ARHGAP25: variants seen among roughly 807,000 people sequenced by gnomAD.
ARHGAP25 encodes rho GTPase-activating protein 25.
ARHGAP25 carries 34 observed loss-of-function variants against 71.0 expected under a neutral mutation model. That is an observed-to-expected ratio of 0.48 (90% CI 0.36 to 0.64). The LOEUF (loss-of-function observed/expected upper bound fraction) is 0.64, where lower values mean the gene tolerates loss of function less well. Among genes scored for constraint, ARHGAP25 ranks in the 30% least tolerant of loss-of-function variants. The pLI, the probability that ARHGAP25 is intolerant of heterozygous loss-of-function variation, is 0.00. For missense variants in ARHGAP25, 706 were observed against 805.1 expected, an observed-to-expected ratio of 0.88 and a Z score of 1.49; for synonymous variants, 282 against 296.5, an observed-to-expected ratio of 0.95 and a Z score of 0.50.
At position 68,717,115 on chromosome 2, in the gene ARHGAP25, A is replaced by G. The variant is rs575248273; in HGVS notation, c.-18+6417A>G. Among the ~76,000 whole-genome samples the G allele has an allele frequency of 2.6e-5, 4 of 152,302 alleles. No homozygotes were observed. The East Asian group carries it at 7.7e-4, about 29-fold the overall frequency. On this transcript the variant is annotated intron_variant and NMD_transcript_variant, in intron 2 of 7. Coordinates refer to the ARHGAP25 transcript ENST00000463483. ...ACACCTAGGCCATATGGTACGGGCT[A>G]TTGCTCCTAGACTACAAATCTGTAT...
At chr2:68,740,594 G>A (rs1439966690) in intron 1 of ARHGAP25, among the ~76,000 whole-genome samples, 5 of 152,108 alleles carry the variant, frequency 3.3e-5, no homozygotes, top group Non-Finnish European at 1.5e-5. Flanking sequence ...TCTTGTCCAC[G>A]GGGAGTCTCT....
chr2:68,718,681 T>G (rs376184457), intron 2 of ARHGAP25, among the ~76,000 whole-genome samples: 1 of 152,140 alleles, frequency 6.6e-6, no homozygotes, highest in East Asian at 1.9e-4. Context: ...CTTTTCTAAT[T>G]CCCTAAGTGG....
intron 1 of ARHGAP25, among the ~76,000 whole-genome samples, chr2:68,772,464 G>A (rs1677548875): frequency 6.6e-6 from 1 of 152,226 alleles, no homozygotes; most frequent in African/African-American, 2.4e-5. Context: ...AGCCACACCG[G>A]GATAGACTTC....
At chr2:68,810,602 CT>C (rs1254075967) in intron 5 of ARHGAP25, among the ~76,000 whole-genome samples, 2 of 152,066 alleles carry the variant, frequency 1.3e-5, no homozygotes, top group African/African-American at 4.8e-5. Context: ...TTTATAATCC[CT>C]TTCTCTTTTC....
chr2:68,741,839 T>C (rs72893974), intron 1 of ARHGAP25, among the ~76,000 whole-genome samples: 4,031 of 152,334 alleles, frequency 0.026, 186 homozygotes, highest in African/African-American at 0.092. Flanking sequence ...CTCATATTCT[T>C]TACCTAGAGT....
intron 3 of ARHGAP25, among the ~76,000 whole-genome samples, chr2:68,782,977 T>C (rs1678454763): frequency 6.6e-6 from 1 of 152,260 alleles, no homozygotes; most frequent in Non-Finnish European, 1.5e-5. Flanking sequence ...GACTAGAGGC[T>C]AATCTGGCTG....
At chr2:68,743,365 T>C (rs1331361594) in intron 1 of ARHGAP25, among the ~76,000 whole-genome samples, 1 of 138,560 alleles carries the variant, frequency 7.2e-6, no homozygotes, top group Non-Finnish European at 1.6e-5. Context: ...GTTTTTCCTA[T>C]TAGCTCTAAG....
chr2:68,723,882 T>C (rs1558598921), intron 2 of ARHGAP25, among the ~76,000 whole-genome samples: 2 of 151,546 alleles, frequency 1.3e-5, no homozygotes, highest in Non-Finnish European at 2.9e-5. Context: ...CTCTCTCTCT[T>C]TCTCTCTCGG....
At position 68,746,716 on chromosome 2, in the gene ARHGAP25, T is replaced by A. The variant is rs577958434; in HGVS notation, c.61+11456T>A. Among the ~76,000 whole-genome samples the A allele has an allele frequency of 5.8e-3, 795 of 136,308 alleles. 11 individuals carry two copies. Among genetic ancestry groups the A allele is most frequent in the African/African-American group, 0.02 (739 of 37,412 alleles). The allele number at this position is 136,308 out of a possible 152,430, so 89.4% of individuals were successfully genotyped here. A position where few individuals can be genotyped will look rare whatever the true frequency, so the allele number is the denominator to read the frequency against. ...AAGACAGGGACCACCCCCCTCCCCA[T>A]CCCCACAGGGCCGGGCGCGGTGGCT... On this transcript the variant is annotated intron_variant, in intron 1 of 10. Transcript: ENST00000409202.
Position 68,813,688 on chromosome 2 carries a change from G to A in ARHGAP25, c.807+269G>A, listed in dbSNP as rs565623982. 6.0e-4 allele frequency among the ~76,000 whole-genome samples: 91 copies of A among 152,264 alleles called. No homozygotes were observed. The South Asian group carries it at 6.2e-3, about 10-fold the overall frequency. ...AGTAGTGAGAAAAGGAGGATACATCGGAGGACGGTTTCAAGCATGATGGCC... is the reference window on the plus strand; with the variant it reads ...AGTAGTGAGAAAAGGAGGATACATCAGAGGACGGTTTCAAGCATGATGGCC... On this transcript the variant is annotated intron_variant, in intron 6 of 10. Coordinates refer to ENST00000409202, the MANE Select transcript of ARHGAP25 (RefSeq NM_001007231.3).
chr2:68,768,464 A>T (rs1677269983), intron 1 of ARHGAP25, among the ~76,000 whole-genome samples: 1 of 152,200 alleles, frequency 6.6e-6, no homozygotes, highest in Non-Finnish European at 1.5e-5. Flanking sequence ...GCAAATATTT[A>T]TCAAGATGCT....
intron 1 of ARHGAP25, among the ~76,000 whole-genome samples, chr2:68,773,485 C>T (rs145512979): frequency 6.6e-6 from 1 of 152,190 alleles, no homozygotes; most frequent in East Asian, 1.9e-4. Context: ...GAATAATAGG[C>T]ACTGAGGACT....
At chr2:68,800,990 C>A (rs1198686455) in intron 4 of ARHGAP25, among the ~76,000 whole-genome samples, 2 of 151,766 alleles carry the variant, frequency 1.3e-5, no homozygotes, top group African/African-American at 4.8e-5. Context: ...CAATTAGGAC[C>A]CAGAGGTCAG....
At chr2:68,822,959 A>T (rs1681823309) in intron 10 of ARHGAP25, 87 bp downstream of exon 10, 1 of 1,365,432 alleles carries the variant, frequency 7.3e-7, no homozygotes, top group Non-Finnish European at 9.8e-7. Flanking sequence ...GAGAAGTCAC[A>T]TCATAAAGCT....
At chr2:68,731,348 T>A (rs185194319), upstream of ARHGAP25, among the ~76,000 whole-genome samples, 8 of 152,176 alleles carry the variant, frequency 5.3e-5, no homozygotes, top group East Asian at 1.4e-3. Flanking sequence ...CTGTAATAAT[T>A]CTCCTGGGGC....
chr2:68,817,627 T>C (rs1463029521), intron 7 of ARHGAP25, among the ~76,000 whole-genome samples: 2 of 152,204 alleles, frequency 1.3e-5, no homozygotes, highest in East Asian at 3.9e-4. Context: ...CTCCTGCTTA[T>C]GTGATTCCAT....
intron 5 of ARHGAP25, among the ~76,000 whole-genome samples, chr2:68,810,181 A>C (rs1680681684): frequency 6.6e-6 from 1 of 152,178 alleles, no homozygotes; most frequent in Non-Finnish European, 1.5e-5. Flanking sequence ...GGGTTAGAGG[A>C]ACAGCAAACT....
At chr2:68,813,211 A>G in intron 5 of ARHGAP25, 76 bp from the exon 6 acceptor site, 3 of 1,475,774 alleles carry the variant, frequency 2.0e-6, no homozygotes, top group South Asian at 1.3e-5. Flanking sequence ...TCACTGAATC[A>G]TCAGAATGGA....
chr2:68,750,007 T>A (rs1040595807), intron 1 of ARHGAP25, among the ~76,000 whole-genome samples: 12 of 152,156 alleles, frequency 7.9e-5, no homozygotes, highest in African/African-American at 2.9e-4. Context: ...GGCCCTTTTT[T>A]AAATTTTATT....
Sources: gnomAD v4.1 joint callset for allele counts (sites outside exome capture counted in the v4.1 genomes callset) on GRCh38, gnomAD v4.1.1 for gene constraint, MANE v1.5 for transcripts, NCBI Gene and HGNC (gene_info 2026-07-23, HGNC 2026-07-21) for gene names.